The following SSUH2 variants were observed in gnomAD, a reference collection of about 807,000 sequenced individuals.
SSUH2 encodes the protein protein SSUH2 homolog.
SSUH2 carries 47 observed loss-of-function variants against 55.3 expected under a neutral mutation model. The observed-to-expected ratio is 0.85, with a 90% CI of 0.67 to 1.08. The LOEUF is 1.08. SSUH2 is among the 50% of genes least tolerant of loss of function. The probability of loss-of-function intolerance (pLI) is 0.00; values close to 1 mark genes in which losing one functional copy is unlikely to be tolerated. For synonymous variants in SSUH2, 212 were observed against 191.5 expected, an observed-to-expected ratio of 1.11 and a Z score of -0.89; for missense variants, 535 against 490.7, an observed-to-expected ratio of 1.09 and a Z score of -0.85.
Position 8,678,325 on chromosome 3 carries a change from C to CTCTATTATGGGGAGTCATATCTG in SSUH2, c.-900-995_-900-973dup, listed in dbSNP as rs1269280004. 6.6e-5 allele frequency among the ~76,000 whole-genome samples: 10 copies of CTCTATTATGGGGAGTCATATCTG among 152,196 alleles called. 1 individual carries two copies. Among genetic ancestry groups the CTCTATTATGGGGAGTCATATCTG allele is most frequent in the Non-Finnish European group, 1.5e-4 (10 of 67,992 alleles). Reference sequence around the variant, plus strand: ...TCACAGGGTGGGTGTACACCTCGTGCTCTATTATGGGGAGTCATATCTGTC... The same window carrying CTCTATTATGGGGAGTCATATCTG: ...TCACAGGGTGGGTGTACACCTCGTGCTCTATTATGGGGAGTCATATCTGTCTATTATGGGGAGTCATATCTGTC... On this transcript the variant is annotated intron_variant, in intron 2 of 18. Coordinates refer to the SSUH2 transcript ENST00000317371.
At chr3:8,635,643 A>T in intron 2 of SSUH2, 116 bp downstream of exon 2, 1 of 1,028,278 alleles carries the variant, frequency 9.7e-7, no homozygotes, top group Non-Finnish European at 1.4e-6. Flanking sequence ...GGGGCTTCCC[A>T]GGGCCCCCCC....
intron 1 of SSUH2, chr3:8,681,801 A>T (rs1231424036): frequency 2.0e-5 from 3 of 151,676 alleles, no homozygotes; most frequent in Non-Finnish European, 4.3e-5. Flanking sequence ...GTGGGGAGGC[A>T]CCCACCGCAG....
At chr3:8,656,146 C>A (rs1176343917) in intron 7 of SSUH2, among the ~76,000 whole-genome samples, 4 of 152,104 alleles carry the variant, frequency 2.6e-5, no homozygotes, top group African/African-American at 9.7e-5. Context: ...CAGGTTTGTG[C>A]AAATCTCAAA....
intron 3 of SSUH2, chr3:8,672,126 G>A (rs568735139): frequency 1.3e-5 from 2 of 152,080 alleles, no homozygotes; most frequent in South Asian, 2.1e-4. Context: ...ATTAGGAACA[G>A]TATCACTGGG....
chr3:8,678,656 G>T (rs1459745853), intron 2 of SSUH2, among the ~76,000 whole-genome samples: 31 of 52,530 alleles, frequency 5.9e-4, no homozygotes, highest in Non-Finnish European at 8.5e-4. Flanking sequence ...GTGGGGGGAG[G>T]CACCCCCCGC....
intron 1 of SSUH2, 68 bp downstream of exon 1, chr3:8,644,663 G>T: frequency 7.3e-7 from 1 of 1,367,032 alleles, no homozygotes; most frequent in Non-Finnish European, 1.0e-6. Flanking sequence ...GTCAGATTAG[G>T]TCCTCTTCAA....
Position 8,679,250 on chromosome 3 carries a change from A to G in SSUH2, c.-901+455T>C, listed in dbSNP as rs1326198269. Among the ~76,000 whole-genome samples the G allele has an allele frequency of 6.1e-4, 37 of 60,360 alleles. 11 individuals carry two copies. In the South Asian group the frequency reaches 0.022, roughly 36 times the overall value. The allele number at this position is 60,360 out of a possible 152,430, so 39.6% of individuals were successfully genotyped here. On this transcript the variant is annotated intron_variant, in intron 2 of 18. Transcript: ENST00000317371. ...CGTGAGCGGGGACTGAGAGCCAGCC[A>G]ATTTTCCCCCTGGCTTTTAGGACCC...
At position 8,678,195 on chromosome 3, in the gene SSUH2, C is replaced by G. The variant is rs755677606; in HGVS notation, c.-900-842G>C. ...GCCATACATGAAGTCATATCACCCC[C>G]TCCGCCTTGGAATATTATGAAGGAG... On this transcript the variant is annotated intron_variant, in intron 2 of 18. Transcript: ENST00000317371. Among the ~76,000 whole-genome samples the G allele has an allele frequency of 2.0e-5, 3 of 152,042 alleles. 1 individual carries two copies. Among genetic ancestry groups the G allele is most frequent in the Non-Finnish European group, 2.9e-5 (2 of 67,996 alleles).
intron 6 of SSUH2, among the ~76,000 whole-genome samples, chr3:8,661,714 T>C (rs1359111378): frequency 2.0e-5 from 3 of 152,228 alleles, no homozygotes; most frequent in Non-Finnish European, 4.4e-5. Flanking sequence ...ATACTGTATA[T>C]GCAGTGGGTT....
At chr3:8,674,226 G>A (rs1045425994) in intron 3 of SSUH2, among the ~76,000 whole-genome samples, 1 of 152,228 alleles carries the variant, frequency 6.6e-6, no homozygotes, top group African/African-American at 2.4e-5. Flanking sequence ...AGGGAAGGGG[G>A]GCCCTGGGAA....
intron 7 of SSUH2, among the ~76,000 whole-genome samples, chr3:8,653,052 G>A (rs1315660893): frequency 6.6e-6 from 1 of 152,206 alleles, no homozygotes. Context: ...CTTGGAGAAA[G>A]AGAATCCACA....
intron 1 of SSUH2, among the ~76,000 whole-genome samples, chr3:8,681,217 CCT>C (rs1340820284): frequency 2.1e-5 from 3 of 143,624 alleles, no homozygotes; most frequent in South Asian, 2.2e-4. Flanking sequence ...CTCTTCCCCC[CCT>C]GGCTCTCAGG....
chr3:8,619,904 A>G lies in SSUH2; in HGVS notation c.1092T>C (p.Tyr364=). Reference sequence around the variant, plus strand: ...TACAGCCACAGCAATACCGCTCAGGATAGTCCACCGCATACACCTGGTGGT... The same window carrying G: ...TACAGCCACAGCAATACCGCTCAGGGTAGTCCACCGCATACACCTGGTGGT... ...GTDHQVYAVD[Y]PERYCCGCTI... is the part of the protein sequence containing the mutation. The change falls in exon 12 of 12, where the codon TAT becomes TAC. Residue 364 remains tyrosine (Y), a synonymous_variant. Transcript: ENST00000544814. The G allele has an allele frequency of 6.2e-7, 1 of 1,614,176 alleles. No homozygotes were observed.
intron 5 of SSUH2, 122 bp from the exon 6 acceptor site, chr3:8,631,051 C>A (rs1698672165): frequency 2.9e-6 from 3 of 1,051,150 alleles, no homozygotes; most frequent in South Asian, 8.4e-5. Flanking sequence ...CCTGGGGCTA[C>A]AGGGATGGAT....
At position 8,633,699 on chromosome 3, in the gene SSUH2, G is replaced by A. The variant is rs752247519; in HGVS notation, c.306C>T (p.Val102=). The stretch of plus-strand genomic sequence containing the variant: ...GGGTCTGCCGCTTCAGCTCCTGGAT[G>A]ACGAGGTCTCCAGCCACCGTGCTGC... ...CYSSTVAGDL[V]IQELKRQTLC... The change falls in exon 4 of 12, where the codon GTC becomes GTT. Residue 102 remains valine (V), a synonymous_variant. Coordinates refer to ENST00000544814, the MANE Select transcript of SSUH2 (RefSeq NM_001256748.3). 6 of 1,537,376 alleles carry A rather than the reference G, an allele frequency of 3.9e-6. No homozygotes were observed. The East Asian group carries it at 1.1e-4, about 29-fold the overall frequency.
At chr3:8,681,206 C>G (rs1013326939) in intron 1 of SSUH2, among the ~76,000 whole-genome samples, 1 of 148,690 alleles carries the variant, frequency 6.7e-6, no homozygotes, top group African/African-American at 2.5e-5. Context: ...AGAGCCAGCC[C>G]CTCTTCCCCC....
At chr3:8,635,983 T>C (rs1347845994) in intron 1 of SSUH2, 126 bp from the exon 2 acceptor site, 1 of 743,778 alleles carries the variant, frequency 1.3e-6, no homozygotes, top group African/African-American at 1.8e-5. Flanking sequence ...AGCCTCACTC[T>C]GGCATCCTTA....
Position 8,671,126 on chromosome 3 carries a change from G to A in SSUH2, c.-583C>T, listed in dbSNP as rs376691241. On this transcript the variant is annotated 5_prime_UTR_variant, in exon 5 of 19. Coordinates refer to the SSUH2 transcript ENST00000317371. ...ACGAATTTGATGGCAGGGTCTACAC[G>A]TCCTGTGACATTAGCAGTAACGTTT... 6.9e-4 allele frequency: 158 copies of A among 228,410 alleles called. 1 individual carries two copies. The highest frequency in any genetic ancestry group is 3.1e-3 in the African/African-American group (141 of 45,582). 14.1% of individuals were successfully genotyped at this position (228,410 alleles called of 1,614,324 possible). A position where few individuals can be genotyped will look rare whatever the true frequency, so the allele number is the denominator to read the frequency against.
chr3:8,651,222 G>A (rs948211724), intron 7 of SSUH2, among the ~76,000 whole-genome samples: 42 of 152,168 alleles, frequency 2.8e-4, no homozygotes, highest in South Asian at 1.2e-3. Flanking sequence ...CTAACTTCCC[G>A]TCCTTGTGTT....
Sources: gnomAD v4.1 joint callset for allele counts (sites outside exome capture counted in the v4.1 genomes callset) on GRCh38, gnomAD v4.1.1 for gene constraint, MANE v1.5 for transcripts, NCBI Gene and HGNC (gene_info 2026-07-23, HGNC 2026-07-21) for gene names.